Variants in DIAPH3 observed in about 807,000 individuals in gnomAD.
DIAPH3 encodes the protein protein diaphanous homolog 3.
DIAPH3 carries 117 observed loss-of-function variants against 144.3 expected under a neutral mutation model. The observed-to-expected ratio is 0.81, with a 90% CI of 0.70 to 0.95. The LOEUF (loss-of-function observed/expected upper bound fraction) is 0.95, where lower values mean the gene tolerates loss of function less well. Ranked by LOEUF, DIAPH3 falls within the 40% of genes least tolerant of loss-of-function variation. The pLI, the probability that DIAPH3 is intolerant of heterozygous loss-of-function variation, is 0.00. For missense variants in DIAPH3, 1,421 were observed against 1,412.7 expected (o/e 1.01, Z -0.09); for synonymous variants, 519 against 488.9 (o/e 1.06, Z -0.81).
chr13:59,971,540 G>A (rs770673886), intron 15 of DIAPH3, among the ~76,000 whole-genome samples: 1 of 152,128 alleles, frequency 6.6e-6, no homozygotes, highest in Non-Finnish European at 1.5e-5. Context: ...AGAATATGTA[G>A]CATGACAAAG....
chr13:59,847,369 A>G (rs1188489109), intron 22 of DIAPH3, among the ~76,000 whole-genome samples: 1 of 152,234 alleles, frequency 6.6e-6, no homozygotes, highest in African/African-American at 2.4e-5. Context: ...GAGGAAATGA[A>G]TACAACCAAT....
intron 21 of DIAPH3, among the ~76,000 whole-genome samples, chr13:59,864,846 A>G (rs2043821559): frequency 6.6e-6 from 1 of 152,036 alleles, no homozygotes; most frequent in East Asian, 1.9e-4. Context: ...ATCTAGTATT[A>G]AAAAGTACAC....
At chr13:59,973,163 A>G (rs578124442) in intron 15 of DIAPH3, among the ~76,000 whole-genome samples, 2 of 152,294 alleles carry the variant, frequency 1.3e-5, no homozygotes, top group Non-Finnish European at 2.9e-5. Context: ...ACTTATTCCC[A>G]TTTTATGTAA....
intron 14 of DIAPH3, among the ~76,000 whole-genome samples, chr13:59,976,764 G>C (rs758400156): frequency 6.6e-6 from 1 of 151,626 alleles, no homozygotes; most frequent in Non-Finnish European, 1.5e-5. Context: ...TACACTGATG[G>C]CTTACAAATC....
intron 3 of DIAPH3, among the ~76,000 whole-genome samples, chr13:60,098,068 G>C (rs977586436): frequency 2.0e-5 from 3 of 152,114 alleles, no homozygotes; most frequent in Admixed American, 2.0e-4. Context: ...ACTGGACTTG[G>C]TGAAGGTCAG....
intron 12 of DIAPH3, among the ~76,000 whole-genome samples, chr13:59,990,535 T>C (rs2051742761): frequency 6.6e-6 from 1 of 151,914 alleles, no homozygotes; most frequent in African/African-American, 2.4e-5. Flanking sequence ...GCATACACCA[T>C]ATGCCAAGGG....
At chr13:60,080,124 A>C (rs568131383) in intron 4 of DIAPH3, among the ~76,000 whole-genome samples, 1 of 152,078 alleles carries the variant, frequency 6.6e-6, no homozygotes, top group South Asian at 2.1e-4. Context: ...AAAATATTGA[A>C]GAACACAGCT....
chr13:59,701,237 T>C (rs1219301227), intron 27 of DIAPH3, among the ~76,000 whole-genome samples: 2 of 152,204 alleles, frequency 1.3e-5, no homozygotes, highest in Non-Finnish European at 2.9e-5. Context: ...CAATATGATA[T>C]AACAAAGATC....
intron 24 of DIAPH3, among the ~76,000 whole-genome samples, chr13:59,818,630 T>G (rs2040907258): frequency 6.6e-6 from 1 of 151,870 alleles, no homozygotes; most frequent in African/African-American, 2.4e-5. Context: ...GAATATTGTC[T>G]TTCATTCTTT....
intron 11 of DIAPH3, among the ~76,000 whole-genome samples, chr13:59,991,704 A>T (rs1594252540): frequency 1.3e-5 from 2 of 151,976 alleles, no homozygotes; most frequent in South Asian, 4.1e-4. Context: ...TTAACATGCG[A>T]CCCATGAGTA....
At chr13:59,886,704 T>C (rs939244314) in intron 20 of DIAPH3, among the ~76,000 whole-genome samples, 4 of 152,082 alleles carry the variant, frequency 2.6e-5, no homozygotes, top group African/African-American at 7.2e-5. Context: ...AAAGTATTTT[T>C]AGTTTTTTTT....
chr13:60,094,129 T>G (rs1438270630), intron 3 of DIAPH3, among the ~76,000 whole-genome samples: 1 of 152,194 alleles, frequency 6.6e-6, no homozygotes, highest in Non-Finnish European at 1.5e-5. Context: ...GCTCTGTGTG[T>G]CATAAAAATT....
chr13:60,121,244 T>C (rs1265227236), intron 2 of DIAPH3, among the ~76,000 whole-genome samples: 1 of 152,078 alleles, frequency 6.6e-6, no homozygotes, highest in Non-Finnish European at 1.5e-5. Context: ...GTTTTTTTTT[T>C]CCTATATGCA....
chr13:59,917,268 C>T (rs2047264698), intron 18 of DIAPH3, among the ~76,000 whole-genome samples: 1 of 152,032 alleles, frequency 6.6e-6, no homozygotes, highest in African/African-American at 2.4e-5. Flanking sequence ...GATATAAAAG[C>T]AGAATATAAG....
chr13:59,885,590 C>CA (rs924375884), intron 20 of DIAPH3, among the ~76,000 whole-genome samples: 1 of 151,946 alleles, frequency 6.6e-6, no homozygotes, highest in Non-Finnish European at 1.5e-5. Context: ...ACTTTCCCCC[C>CA]AACCCACCCC....
At chr13:59,878,932 TTAA>T (rs2044812133) in intron 21 of DIAPH3, among the ~76,000 whole-genome samples, 1 of 152,138 alleles carries the variant, frequency 6.6e-6, no homozygotes, top group Non-Finnish European at 1.5e-5. Context: ...CGAGTCAGTA[TTAA>T]TAATATTTTG....
chr13:59,830,224 C>T (rs949812691), intron 24 of DIAPH3, among the ~76,000 whole-genome samples: 18 of 151,574 alleles, frequency 1.2e-4, no homozygotes, highest in Admixed American at 9.9e-4. Context: ...GGAGTTTTTG[C>T]CAATATTGCT....
intron 4 of DIAPH3, among the ~76,000 whole-genome samples, chr13:60,082,162 A>G (rs1428312973): frequency 6.6e-6 from 1 of 152,048 alleles, no homozygotes. Context: ...AATAGAAATA[A>G]AAAAATCATT....
chr13:59,741,536 C>G (rs2036449090), intron 27 of DIAPH3, among the ~76,000 whole-genome samples: 1 of 151,958 alleles, frequency 6.6e-6, no homozygotes. Context: ...AAGGGGGAAT[C>G]ACTTGAGCCC....
Sources: allele counts gnomAD v4.1 joint callset (sites outside exome capture counted in the v4.1 genomes callset), GRCh38; gene constraint gnomAD v4.1.1; transcripts MANE v1.5; gene names NCBI Gene and HGNC (gene_info 2026-07-23, HGNC 2026-07-21).